PDLIM5: variants seen among roughly 807,000 people sequenced by gnomAD.
PDLIM5 encodes the protein PDZ and LIM domain protein 5.
A neutral mutation model predicts 64.2 loss-of-function variants in PDLIM5; 34 were observed. The ratio of observed to expected loss-of-function variants is 0.53; its 90% CI spans 0.40 to 0.71. PDLIM5 has a LOEUF of 0.71. Among genes scored for constraint, PDLIM5 ranks in the 30% least tolerant of loss-of-function variants. The probability of loss-of-function intolerance (pLI) is 0.00; values close to 1 mark genes in which losing one functional copy is unlikely to be tolerated. For synonymous variants in PDLIM5, 253 were observed against 269.1 expected, an observed-to-expected ratio of 0.94 and a Z score of 0.59; for missense variants, 683 against 733.6, an observed-to-expected ratio of 0.93 and a Z score of 0.80.
Position 94,664,557 on chromosome 4 carries a change from A to T in PDLIM5, c.*490A>T, listed in dbSNP as rs1315007839. On this transcript the variant is annotated 3_prime_UTR_variant, in exon 13 of 13. Coordinates refer to ENST00000317968, the MANE Select transcript of PDLIM5 (RefSeq NM_006457.5). ...TTTTAAACAGAGAATTTTATCAGTA[A>T]TAGGTGTCAGTTTTTAAAAAATTGC... 1 of 864,638 alleles carries T rather than the reference A, an allele frequency of 1.2e-6. No homozygotes were observed. Among genetic ancestry groups the T allele is most frequent in the African/African-American group, 1.8e-5 (1 of 54,302 alleles). The allele number at this position is 864,638 out of a possible 1,614,324, so 53.6% of individuals were successfully genotyped here.
intron 9 of PDLIM5, among the ~76,000 whole-genome samples, chr4:94,653,680 A>G (rs1395715003): frequency 1.3e-5 from 2 of 152,188 alleles, no homozygotes; most frequent in East Asian, 3.8e-4. Context: ...AATAAGTTCT[A>G]GAGATCTGCT....
At chr4:94,572,767 T>C (rs1734917648) in intron 3 of PDLIM5, among the ~76,000 whole-genome samples, 1 of 152,218 alleles carries the variant, frequency 6.6e-6, no homozygotes, top group African/African-American at 2.4e-5. Context: ...TATAGTCTAG[T>C]AGAAGGACCT....
At chr4:94,452,093 T>C (rs577963477) in intron 1 of PDLIM5, 98 bp downstream of exon 1, 2 of 152,280 alleles carry the variant, frequency 1.3e-5, no homozygotes, top group East Asian at 1.9e-4. Context: ...GGAAGCCCGG[T>C]TGGGGACGAG....
intron 7 of PDLIM5, among the ~76,000 whole-genome samples, chr4:94,615,348 A>G (rs1212037568): frequency 6.6e-6 from 1 of 152,218 alleles, no homozygotes; most frequent in East Asian, 1.9e-4. Context: ...TGAATTAAAA[A>G]GAGTGTCTCT....
intron 3 of PDLIM5, among the ~76,000 whole-genome samples, chr4:94,562,672 G>T (rs890759006): frequency 6.6e-6 from 1 of 152,172 alleles, no homozygotes; most frequent in Admixed American, 6.5e-5. Flanking sequence ...AGTAACATAC[G>T]TTGTGACTTG....
intron 2 of PDLIM5, among the ~76,000 whole-genome samples, chr4:94,484,450 CTATA>C (rs1325008595): frequency 1.3e-5 from 2 of 152,144 alleles, no homozygotes; most frequent in African/African-American, 4.8e-5. Context: ...GCGTGGATCA[CTATA>C]TATAACTATG....
At chr4:94,521,395 G>T (rs142810200) in intron 2 of PDLIM5, among the ~76,000 whole-genome samples, 59 of 152,164 alleles carry the variant, frequency 3.9e-4, no homozygotes, top group Admixed American at 4.6e-4. Flanking sequence ...GACTGTCATA[G>T]GAGAGGAATG....
chr4:94,645,890 A>G (rs1348715099), intron 9 of PDLIM5, among the ~76,000 whole-genome samples: 1 of 152,208 alleles, frequency 6.6e-6, no homozygotes, highest in East Asian at 1.9e-4. Flanking sequence ...ATGGCAGTGT[A>G]CTTTTATTCG....
chr4:94,637,638 A>G (rs1254454790), intron 8 of PDLIM5, among the ~76,000 whole-genome samples: 1 of 152,208 alleles, frequency 6.6e-6, no homozygotes, highest in African/African-American at 2.4e-5. Context: ...TTTAGTCTGA[A>G]GATGATGGCA....
chr4:94,541,669 A>G (rs1731817175), intron 3 of PDLIM5, among the ~76,000 whole-genome samples: 1 of 152,130 alleles, frequency 6.6e-6, no homozygotes. Context: ...GAGGTAATTC[A>G]TTCTCCTTTC....
chr4:94,559,079 C>T (rs1733618400), intron 3 of PDLIM5, among the ~76,000 whole-genome samples: 1 of 152,094 alleles, frequency 6.6e-6, no homozygotes. Context: ...ATTAGTTTCA[C>T]ATCGACCAAC....
intron 1 of PDLIM5, among the ~76,000 whole-genome samples, chr4:94,452,348 C>G (rs2126066645): frequency 6.6e-6 from 1 of 152,244 alleles, no homozygotes; most frequent in East Asian, 1.9e-4. Flanking sequence ...ACTGCCGCTC[C>G]CACCCACCCG....
At chr4:94,476,034 C>T (rs937687738) in intron 2 of PDLIM5, among the ~76,000 whole-genome samples, 5 of 152,168 alleles carry the variant, frequency 3.3e-5, no homozygotes, top group African/African-American at 1.2e-4. Context: ...GTCATTTCAA[C>T]TGTTAGGTAA....
chr4:94,472,539 A>G (rs748719316), intron 2 of PDLIM5, among the ~76,000 whole-genome samples: 1 of 152,218 alleles, frequency 6.6e-6, no homozygotes, highest in East Asian at 1.9e-4. Context: ...TGTAGACTAG[A>G]TGAACTAAGC....
chr4:94,657,867 C>T (rs553138208), intron 11 of PDLIM5, among the ~76,000 whole-genome samples: 27 of 152,078 alleles, frequency 1.8e-4, no homozygotes, highest in Non-Finnish European at 2.8e-4. Context: ...CCACCATGCT[C>T]GGCTCATTTT....
intron 2 of PDLIM5, among the ~76,000 whole-genome samples, chr4:94,482,212 C>T (rs1191614456): frequency 6.6e-6 from 1 of 151,340 alleles, no homozygotes; most frequent in Non-Finnish European, 1.5e-5. Context: ...TTCTGTCACC[C>T]AGGCTAGAGT....
At chr4:94,566,098 C>G (rs1049279743) in intron 3 of PDLIM5, among the ~76,000 whole-genome samples, 1 of 152,116 alleles carries the variant, frequency 6.6e-6, no homozygotes, top group Non-Finnish European at 1.5e-5. Flanking sequence ...TTATAACTTT[C>G]TCTTTGATGT....
chr4:94,458,281 A>G lies in PDLIM5; in HGVS notation c.96+2897A>G, dbSNP rs537791871. Among the ~76,000 whole-genome samples, 4 of 152,312 alleles carry G rather than the reference A, an allele frequency of 2.6e-5. No homozygotes were observed. In the East Asian group the frequency reaches 7.7e-4, roughly 29 times the overall value. ...CTTTAATTAATAGTATCAAGAAACAATTAAAACCTGAAAGCATGCTTAAAA... is the reference window on the plus strand; with the variant it reads ...CTTTAATTAATAGTATCAAGAAACAGTTAAAACCTGAAAGCATGCTTAAAA... On this transcript the variant is annotated intron_variant, in intron 2 of 12. Coordinates refer to ENST00000317968, the MANE Select transcript of PDLIM5 (RefSeq NM_006457.5).
intron 2 of PDLIM5, chr4:94,456,830 T>G (rs1165171616): frequency 2.6e-6 from 3 of 1,142,100 alleles, no homozygotes; most frequent in Non-Finnish European, 3.2e-6. Flanking sequence ...TGGATATTTA[T>G]CAAGTGCTGT....
Sources: gnomAD v4.1 joint callset for allele counts (sites outside exome capture counted in the v4.1 genomes callset) on GRCh38, gnomAD v4.1.1 for gene constraint, MANE v1.5 for transcripts, NCBI Gene and HGNC (gene_info 2026-07-23, HGNC 2026-07-21) for gene names.